The following KLHL14 variants were observed in gnomAD, a reference collection of about 807,000 sequenced individuals.
KLHL14 encodes the protein kelch like family member 14, also known as kelch-like protein 14.
KLHL14 carries 22 observed loss-of-function variants against 64.3 expected under a neutral mutation model. The ratio of observed to expected loss-of-function variants is 0.34; its 90% CI spans 0.24 to 0.49. KLHL14 has a LOEUF of 0.49. Ranked by LOEUF, KLHL14 falls within the 20% of genes least tolerant of loss-of-function variation. The pLI is 0.99. For synonymous variants in KLHL14, 322 were observed against 333.4 expected (o/e 0.97, Z 0.37); for missense variants, 661 against 789.0 (o/e 0.84, Z 1.94).
intron 7 of KLHL14, among the ~76,000 whole-genome samples, chr18:32,678,633 A>G (rs1258932886): frequency 1.3e-5 from 2 of 152,188 alleles, no homozygotes; most frequent in Admixed American, 6.5e-5. Flanking sequence ...CTCTGTGACA[A>G]TGTTATACAT....
intron 2 of KLHL14, 146 bp from the exon 3 acceptor site, chr18:32,742,195 A>C: frequency 1.1e-6 from 1 of 935,318 alleles, no homozygotes; most frequent in Non-Finnish European, 1.6e-6. Context: ...TCATGTCTCA[A>C]CAATTTTTTT....
Position 32,741,908 on chromosome 18 carries a change from T to G in KLHL14, c.1069+20A>C. The G allele has an allele frequency of 6.4e-7, 1 of 1,550,662 alleles. No homozygotes were observed. The highest frequency in any genetic ancestry group is 8.7e-7 in the Non-Finnish European group (1 of 1,154,148). ...TGAAATAAATAGGTGAGTGAATAAATAAATAAATAATGCACTCACTTGTGA... is the reference window on the plus strand; with the variant it reads ...TGAAATAAATAGGTGAGTGAATAAAGAAATAAATAATGCACTCACTTGTGA... On this transcript the variant is annotated intron_variant, in intron 3 of 8. Transcript: ENST00000359358.
intron 3 of KLHL14, among the ~76,000 whole-genome samples, chr18:32,729,283 C>T (rs1568076314): frequency 1.3e-5 from 2 of 152,132 alleles, no homozygotes; most frequent in Non-Finnish European, 1.5e-5. Context: ...GAACTCTCTA[C>T]TACCTAGAGC....
chr18:32,741,919 T>C lies in KLHL14; in HGVS notation c.1069+9A>G. The C allele has an allele frequency of 6.4e-7, 1 of 1,573,414 alleles. No individual in the cohort carries two copies. Among genetic ancestry groups the C allele is most frequent in the Non-Finnish European group, 8.6e-7 (1 of 1,164,886 alleles). Reference sequence around the variant, plus strand: ...GGTGAGTGAATAAATAAATAAATAATGCACTCACTTGTGAGTATTTTCCAT... The same window carrying C: ...GGTGAGTGAATAAATAAATAAATAACGCACTCACTTGTGAGTATTTTCCAT... On this transcript the variant is annotated intron_variant, in intron 3 of 8. Coordinates refer to ENST00000359358, the MANE Select transcript of KLHL14 (RefSeq NM_020805.3).
intron 3 of KLHL14, among the ~76,000 whole-genome samples, chr18:32,741,697 G>A (rs1313602190): frequency 1.3e-5 from 2 of 152,062 alleles, no homozygotes; most frequent in Non-Finnish European, 2.9e-5. Flanking sequence ...ATACAGAAAC[G>A]TAAACCAGTA....
At chr18:32,706,377 T>C (rs1414719575) in intron 3 of KLHL14, among the ~76,000 whole-genome samples, 4 of 152,128 alleles carry the variant, frequency 2.6e-5, no homozygotes, top group Admixed American at 1.3e-4. Context: ...TGGGAAAAGG[T>C]GAAGAACCGA....
Position 32,674,616 on chromosome 18 carries a change from T to A in KLHL14, c.*41A>T. On this transcript the variant is annotated 3_prime_UTR_variant, in exon 9 of 9. Transcript: ENST00000359358. ...TAATAGTGATGTCACCTGCCATTGC[T>A]TCCTAGAATGTGATACTGTTCATTC... 1 of 770,982 alleles carries A rather than the reference T, an allele frequency of 1.3e-6. No homozygotes were observed. Among genetic ancestry groups the A allele is most frequent in the Middle Eastern group, 2.3e-4 (1 of 4,350 alleles). 47.8% of individuals were successfully genotyped at this position (770,982 alleles called of 1,614,324 possible).
intron 3 of KLHL14, among the ~76,000 whole-genome samples, chr18:32,722,155 A>C (rs941322217): frequency 1.3e-5 from 2 of 152,156 alleles, no homozygotes; most frequent in African/African-American, 4.8e-5. Flanking sequence ...TAGGCCTCCC[A>C]AGCAATGTGA....
chr18:32,761,235 G>A (rs929314879), intron 2 of KLHL14, among the ~76,000 whole-genome samples: 1 of 152,074 alleles, frequency 6.6e-6, no homozygotes, highest in Non-Finnish European at 1.5e-5. Context: ...AGGCAGCAGT[G>A]TTTCCACAAT....
At chr18:32,727,911 G>A (rs10502606) in intron 3 of KLHL14, among the ~76,000 whole-genome samples, 36,736 of 152,028 alleles carry the variant, frequency 0.24, 4,650 homozygotes, top group Middle Eastern at 0.32. Flanking sequence ...AGAAAGTTAC[G>A]TCTTGGCACA....
intron 4 of KLHL14, 111 bp downstream of exon 4, chr18:32,695,352 C>T: frequency 1.4e-6 from 1 of 712,822 alleles, no homozygotes; most frequent in Non-Finnish European, 2.5e-6. Flanking sequence ...TCATTTGTCC[C>T]CGTTGCACAG....
chr18:32,674,772 C>T lies in KLHL14; in HGVS notation c.1772G>A (p.Cys591Tyr). 1.3e-6 allele frequency: 1 copy of T among 780,842 alleles called. No individual in the cohort carries two copies. Among genetic ancestry groups the T allele is most frequent in the Middle Eastern group, 2.3e-4 (1 of 4,424 alleles). 48.4% of individuals were successfully genotyped at this position (780,842 alleles called of 1,614,324 possible). Residue 591 changes from cysteine (C) to tyrosine (Y), a missense_variant, in exon 9 of 9, where the codon TGC (cysteine) becomes TAC (tyrosine). Coordinates refer to ENST00000359358, the MANE Select transcript of KLHL14 (RefSeq NM_020805.3). ...SMGAYKSSTI[C>Y]YCPEKGTWTE... ...CCAGGTTCCTTTCTCTGGACAATAG[C>T]ATATTGTAGATGACTTGTAGGCCCC...
At chr18:32,700,060 T>C (rs1019791075) in intron 3 of KLHL14, among the ~76,000 whole-genome samples, 2 of 146,726 alleles carry the variant, frequency 1.4e-5, no homozygotes, top group African/African-American at 2.5e-5. Flanking sequence ...AAGGCCTTAC[T>C]GTACTAGAGA....
intron 3 of KLHL14, among the ~76,000 whole-genome samples, chr18:32,719,332 A>G (rs2050063887): frequency 6.6e-6 from 1 of 152,258 alleles, no homozygotes; most frequent in South Asian, 2.1e-4. Context: ...GCCATAGGAA[A>G]GAATACATTT....
In KLHL14 at chr18:32,673,659, C is replaced by G. The variant is rs1455221233; in HGVS notation, c.*998G>C. On this transcript the variant is annotated 3_prime_UTR_variant, in exon 9 of 9. Transcript: ENST00000359358. ...GGTGCTATAATTGGCTCCTGTGGCT[C>G]TTGTAAGTTCTGTGTTTTAGAAACA... 1 of 152,102 alleles carries G rather than the reference C, an allele frequency of 6.6e-6. No homozygotes were observed. The highest frequency in any genetic ancestry group is 2.4e-5 in the African/African-American group (1 of 41,412). 9.4% of individuals were successfully genotyped at this position (152,102 alleles called of 1,614,324 possible). A position where few individuals can be genotyped will look rare whatever the true frequency, so the allele number is the denominator to read the frequency against.
At chr18:32,674,846 C>A in intron 8 of KLHL14, 49 bp from the exon 9 acceptor site, 1 of 758,172 alleles carries the variant, frequency 1.3e-6, no homozygotes, top group Non-Finnish European at 2.5e-6. Flanking sequence ...TAGAGAAGTG[C>A]AATGGCAATG....
At chr18:32,735,704 C>T (rs1418734893) in intron 3 of KLHL14, among the ~76,000 whole-genome samples, 1 of 152,148 alleles carries the variant, frequency 6.6e-6, no homozygotes, top group African/African-American at 2.4e-5. Context: ...TCTCTCAGAG[C>T]ACTATCACAT....
intron 3 of KLHL14, chr18:32,733,859 T>G (rs2050149338): frequency 3.2e-6 from 1 of 308,036 alleles, no homozygotes; most frequent in Non-Finnish European, 6.1e-6. Context: ...ATTGCTAAAT[T>G]GCTACGGTCT....
chr18:32,706,961 T>C (rs1011411995), intron 3 of KLHL14, among the ~76,000 whole-genome samples: 4 of 152,142 alleles, frequency 2.6e-5, no homozygotes, highest in African/African-American at 9.7e-5. Flanking sequence ...CCTGCACTTC[T>C]GGGTTTGGTG....
Sources: gnomAD v4.1 joint callset for allele counts (sites outside exome capture counted in the v4.1 genomes callset) on GRCh38, gnomAD v4.1.1 for gene constraint, MANE v1.5 for transcripts, NCBI Gene and HGNC (gene_info 2026-07-23, HGNC 2026-07-21) for gene names.